Variants in SCN8A observed in about 807,000 individuals in gnomAD.
The protein encoded by SCN8A is sodium channel protein type 8 subunit alpha.
SCN8A carries 30 observed loss-of-function variants against 184.1 expected under a neutral mutation model. The observed-to-expected ratio is 0.16, with a 90% CI of 0.12 to 0.22. The LOEUF is 0.22. Among genes scored for constraint, SCN8A ranks in the 10% least tolerant of loss-of-function variants. SCN8A has a pLI of 1.00. For missense variants in SCN8A, 1,057 were observed against 2,498.9 expected (o/e 0.42, Z 12.30); for synonymous variants, 852 against 907.0 (o/e 0.94, Z 1.09).
intron 2 of SCN8A, among the ~76,000 whole-genome samples, chr12:51,679,085 T>TAA (rs1490341605): frequency 1.5e-4 from 7 of 46,868 alleles, no homozygotes; most frequent in Admixed American, 3.0e-4. Context: ...CCAAAAAAAA[T>TAA]AAAAAAATAA....
At position 51,705,506 on chromosome 12, in the gene SCN8A, T is replaced by C; in HGVS notation, c.1224T>C (p.Ala408=). ...GSFYLVNLIL[A]VVAMAYEEQN... is the part of the protein sequence containing the mutation. Reference sequence around the variant, plus strand: ...TCTATCTGGTGAACTTGATCTTGGCTGTGGTGGCCATGGCTTATGAAGAAC... The same window carrying C: ...TCTATCTGGTGAACTTGATCTTGGCCGTGGTGGCCATGGCTTATGAAGAAC... Residue 408 remains alanine (A), a synonymous_variant, in exon 10 of 27, where the codon GCT becomes GCC. Coordinates refer to ENST00000627620, the MANE Select transcript of SCN8A (RefSeq NM_001330260.2). 1 of 1,614,094 alleles carries C rather than the reference T, an allele frequency of 6.2e-7. No homozygotes were observed. The highest frequency in any genetic ancestry group is 1.1e-5 in the South Asian group (1 of 91,080).
intron 1 of SCN8A, among the ~76,000 whole-genome samples, chr12:51,659,364 A>G (rs574027416): frequency 2.0e-5 from 3 of 152,328 alleles, no homozygotes; most frequent in South Asian, 2.1e-4. Context: ...AATTTTCTAC[A>G]TCTTGATTTC....
At chr12:51,703,107 GTATAGCTGTAGA>G (rs1236350263) in intron 9 of SCN8A, among the ~76,000 whole-genome samples, 193 bp downstream of exon 9, 31 of 152,340 alleles carry the variant, frequency 2.0e-4, no homozygotes, top group African/African-American at 6.5e-4. Flanking sequence ...GCTCAGTCAT[GTATAGCTGTAGA>G]CTCTTACAGC....
Position 51,807,564 on chromosome 12 carries a change from T to C in SCN8A, c.*135T>C, listed in dbSNP as rs973355886. ...AAGATCTATACCAAACGTCGTCTGCTTACCACGTAACACAGCTGCATCTTG... is the reference window on the plus strand; with the variant it reads ...AAGATCTATACCAAACGTCGTCTGCCTACCACGTAACACAGCTGCATCTTG... On this transcript the variant is annotated 3_prime_UTR_variant, in exon 27 of 27. Transcript: ENST00000627620. This position sits in a 1 kb window ranked among gnomAD's most constrained non-coding sequence, Gnocchi z 4.5. The C allele has an allele frequency of 6.3e-6, 6 of 954,536 alleles. No homozygotes were observed. The highest frequency in any genetic ancestry group is 9.6e-6 in the Non-Finnish European group (6 of 624,246). The allele number at this position is 954,536 out of a possible 1,614,324, so 59.1% of individuals were successfully genotyped here. A position where few individuals can be genotyped will look rare whatever the true frequency, so the allele number is the denominator to read the frequency against.
At chr12:51,655,516 G>A (rs1242988059) in intron 1 of SCN8A, among the ~76,000 whole-genome samples, 2 of 151,930 alleles carry the variant, frequency 1.3e-5, no homozygotes, top group Admixed American at 1.3e-4. Flanking sequence ...CCAGCAGCTG[G>A]GACCACCAGG....
chr12:51,793,028 C>T (rs1938310245), intron 25 of SCN8A, among the ~76,000 whole-genome samples: 1 of 151,628 alleles, frequency 6.6e-6, no homozygotes, highest in African/African-American at 2.4e-5. Flanking sequence ...GGATTACAGG[C>T]GTGAGCCACC....
intron 21 of SCN8A, among the ~76,000 whole-genome samples, chr12:51,782,777 T>C (rs983770842): frequency 6.6e-6 from 1 of 152,248 alleles, no homozygotes; most frequent in African/African-American, 2.4e-5. Context: ...GGAGCCGTTT[T>C]GGGAGCCACA....
chr12:51,737,519 C>T (rs1449444791), intron 12 of SCN8A, among the ~76,000 whole-genome samples: 3 of 152,114 alleles, frequency 2.0e-5, no homozygotes, highest in South Asian at 2.1e-4. Flanking sequence ...TAGAGCAGGT[C>T]GTATCCAATT....
At chr12:51,786,203 C>T (rs1938080449) in intron 21 of SCN8A, among the ~76,000 whole-genome samples, 1 of 152,130 alleles carries the variant, frequency 6.6e-6, no homozygotes, top group East Asian at 1.9e-4. Context: ...CATATTTTCC[C>T]ATTGGGCATA....
At chr12:51,762,706 C>G in intron 15 of SCN8A, 30 bp downstream of exon 15, 2 of 1,535,608 alleles carry the variant, frequency 1.3e-6, no homozygotes, top group Non-Finnish European at 1.7e-6. Flanking sequence ...TTTCTTTTAA[C>G]ATTTCCTATC....
At chr12:51,661,877 A>G (rs1183288001) in intron 1 of SCN8A, among the ~76,000 whole-genome samples, 2 of 152,236 alleles carry the variant, frequency 1.3e-5, no homozygotes, top group South Asian at 4.1e-4. Context: ...TTCAAATACC[A>G]TGCTTAGAAA....
intron 20 of SCN8A, among the ~76,000 whole-genome samples, chr12:51,775,816 CCTGGGGAGG>C (rs756111211): frequency 1.3e-5 from 2 of 152,180 alleles, no homozygotes; most frequent in Non-Finnish European, 2.9e-5. Flanking sequence ...CTCCCAGCTG[CCTGGGGAGG>C]CTGTGATTTG....
intron 9 of SCN8A, 53 bp from the exon 10 acceptor site, chr12:51,705,364 C>G: frequency 6.4e-7 from 1 of 1,573,674 alleles, no homozygotes; most frequent in Non-Finnish European, 8.7e-7. Context: ...TAGCTGTTTT[C>G]AGCCCGGTTC....
At chr12:51,799,986 G>A (rs774081022) in intron 26 of SCN8A, among the ~76,000 whole-genome samples, 1 of 152,182 alleles carries the variant, frequency 6.6e-6, no homozygotes, top group Non-Finnish European at 1.5e-5. Flanking sequence ...GCTACTTCTC[G>A]CTCACTGGGT....
chr12:51,746,119 G>A (rs1942508510), intron 13 of SCN8A, 84 bp downstream of exon 13: 6 of 1,325,848 alleles, frequency 4.5e-6, no homozygotes, highest in Non-Finnish European at 6.0e-6. Flanking sequence ...CCCTTGGTCT[G>A]AGTTTTGCAA....
At chr12:51,779,507 AC>A (rs1937828657) in intron 20 of SCN8A, among the ~76,000 whole-genome samples, 2 of 152,116 alleles carry the variant, frequency 1.3e-5, no homozygotes, top group Non-Finnish European at 2.9e-5. Context: ...AACATATTCA[AC>A]TCTGGATTGT....
chr12:51,651,316 G>A (rs1440034312), intron 1 of SCN8A, among the ~76,000 whole-genome samples: 4 of 152,196 alleles, frequency 2.6e-5, no homozygotes, highest in Non-Finnish European at 5.9e-5. Context: ...TGATTCTCCT[G>A]CCTCAGCTTC....
chr12:51,804,317 TTTCTC>T (rs1213012343), intron 26 of SCN8A, among the ~76,000 whole-genome samples: 1 of 152,078 alleles, frequency 6.6e-6, no homozygotes, highest in Non-Finnish European at 1.5e-5. Flanking sequence ...TTCTTTTCTT[TTTCTC>T]TTTTCTTTTT....
chr12:51,786,520 G>A (rs747477602), intron 21 of SCN8A, 22 bp from the exon 22 acceptor site: 6 of 1,613,800 alleles, frequency 3.7e-6, no homozygotes, highest in South Asian at 3.3e-5. Flanking sequence ...CCAACACTGA[G>A]CAACCTCCCC....
Sources: allele counts gnomAD v4.1 joint callset (sites outside exome capture counted in the v4.1 genomes callset), GRCh38; gene constraint gnomAD v4.1.1; non-coding constraint Gnocchi (gnomAD v3.1); transcripts MANE v1.5; gene names NCBI Gene and HGNC (gene_info 2026-07-23, HGNC 2026-07-21).